The following IQSEC3 variants were observed in gnomAD, a reference collection of about 807,000 sequenced individuals.
IQSEC3 encodes the protein IQ motif and SEC7 domain-containing protein 3.
Under a neutral mutation model 105.4 loss-of-function variants are expected in IQSEC3, and 50 were observed. That is an observed-to-expected ratio of 0.47 (90% CI 0.38 to 0.60). The LOEUF is 0.60. Ranked by LOEUF, IQSEC3 falls within the 20% of genes least tolerant of loss-of-function variation. IQSEC3 has a pLI of 0.00. For synonymous variants in IQSEC3, 708 were observed against 746.0 expected, an observed-to-expected ratio of 0.95 and a Z score of 0.83; for missense variants, 1,415 against 1,630.0, an observed-to-expected ratio of 0.87 and a Z score of 2.27.
chr12:157,205 G>T, intron 6 of IQSEC3, 58 bp downstream of exon 6: 1 of 1,468,098 alleles, frequency 6.8e-7, no homozygotes, highest in East Asian at 2.5e-5. Flanking sequence ...AAGCCGGGCC[G>T]CTGTGAGCCT....
chr12:123,991 T>C (rs1265055064), intron 2 of IQSEC3, among the ~76,000 whole-genome samples: 1 of 152,124 alleles, frequency 6.6e-6, no homozygotes, highest in Non-Finnish European at 1.5e-5. Flanking sequence ...CAACAAGTGT[T>C]GACTAAGCAC....
Position 174,740 on chromosome 12 carries a change from C to T in IQSEC3, c.3256C>T (p.Pro1086Ser). 1.3e-6 allele frequency: 2 copies of T among 1,592,312 alleles called. No individual in the cohort carries two copies. The highest frequency in any genetic ancestry group is 1.7e-6 in the Non-Finnish European group (2 of 1,177,658). Residue 1086 changes from proline to serine, a missense_variant, in exon 14 of 14, where the codon CCC (proline) becomes TCC (serine). Coordinates refer to ENST00000538872, the MANE Select transcript of IQSEC3 (RefSeq NM_001170738.2). ...ACCACTGCCGCCGCCGCCACCCACG[C>T]CCCCGGGCACCCTGGTGCAGTGCCA... is the stretch of plus-strand genomic sequence containing the variant. ...TPPLPPPPPTPPGTLVQCQQI... is the reference protein window; with the variant it reads ...TPPLPPPPPTSPGTLVQCQQI...
In IQSEC3 at chr12:165,866, G is replaced by A. The variant is rs1867148922; in HGVS notation, c.2947G>A (p.Glu983Lys). ...DLKESIAEVT[E>K]LEQIRIEWEL... The stretch of plus-strand genomic sequence containing the variant: ...GAAGGAGTCCATTGCTGAGGTGACG[G>A]AGCTGGAGCAGATCCGAATAGAGTG... The change falls in exon 11 of 14, where the codon GAG becomes AAG. Residue 983 changes from glutamate (E) to lysine (K), a missense_variant. Glu to Lys is a moderately conservative substitution (Grantham distance 56). Transcript: ENST00000538872. The A allele has an allele frequency of 6.2e-7, 1 of 1,613,958 alleles. No individual in the cohort carries two copies. Among genetic ancestry groups the A allele is most frequent in the South Asian group, 1.1e-5 (1 of 91,086 alleles).
rs145498592 is a variant in IQSEC3 at position 85,950 on chromosome 12, G to A, written c.555-13196G>A. On this transcript the variant is annotated intron_variant, in intron 1 of 13. Transcript: ENST00000538872. ...TTTCTCTCCAGCACCCTTAGGAATC[G>A]GGATTTATTCACACATTCAGTCAAC... 4.6e-5 allele frequency among the ~76,000 whole-genome samples: 7 copies of A among 152,210 alleles called. No homozygotes were observed. In the South Asian group the frequency reaches 6.2e-4, roughly 14 times the overall value.
intron 2 of IQSEC3, among the ~76,000 whole-genome samples, chr12:117,359 G>A (rs1865080543): frequency 6.6e-6 from 1 of 152,256 alleles, no homozygotes; most frequent in African/African-American, 2.4e-5. Flanking sequence ...AGCCATGCCT[G>A]TTTATGACAA....
At chr12:78,121 C>T (rs1457974344) in intron 1 of IQSEC3, among the ~76,000 whole-genome samples, 7 of 150,956 alleles carry the variant, frequency 4.6e-5, no homozygotes, top group African/African-American at 1.7e-4. Context: ...GCGCCCCCGC[C>T]TCCCCGCGCC....
At chr12:157,780 C>A in intron 7 of IQSEC3, 86 bp downstream of exon 7, 1 of 1,418,862 alleles carries the variant, frequency 7.0e-7, no homozygotes, top group East Asian at 2.4e-5. Flanking sequence ...AGTCTGAGCC[C>A]CTATCACAGA....
rs797041510 is a variant in IQSEC3, at chr12:138,142, GCC to G, written c.904-119_904-118del. ...GTTCAGACTTTAGCTGCCCAGGAGC[GCC>G]CCCCCGCCCCCGTCCATTCCTGGGC... On this transcript the variant is annotated intron_variant, in intron 3 of 13. Coordinates refer to ENST00000538872, the MANE Select transcript of IQSEC3 (RefSeq NM_001170738.2). The surrounding 1 kb of genome is among the most constrained non-coding windows in gnomAD (Gnocchi z 7.1). The G allele has an allele frequency of 3.7e-6, 3 of 812,406 alleles. No individual in the cohort carries two copies. The East Asian group carries it at 8.0e-5, about 22-fold the overall frequency. The allele number at this position is 812,406 out of a possible 1,614,324, so 50.3% of individuals were successfully genotyped here. A position where few individuals can be genotyped will look rare whatever the true frequency, so the allele number is the denominator to read the frequency against.
intron 7 of IQSEC3, among the ~76,000 whole-genome samples, chr12:158,989 C>T (rs12423787): frequency 0.11 from 16,542 of 152,190 alleles, 1,893 homozygotes; most frequent in African/African-American, 0.29. Context: ...TAAGCATGAT[C>T]TATTAATTCC....
At position 131,602 on chromosome 12, in the gene IQSEC3, G is replaced by C. The variant is rs533857924; in HGVS notation, c.903+5690G>C. ...CAAGAGAGAATTCAGTTTAGTTCATGTCTGCAAACACTTATTCAGCCTCAG... is the reference window on the plus strand; with the variant it reads ...CAAGAGAGAATTCAGTTTAGTTCATCTCTGCAAACACTTATTCAGCCTCAG... On this transcript the variant is annotated intron_variant, in intron 3 of 13. Transcript: ENST00000538872. 1.4e-4 allele frequency among the ~76,000 whole-genome samples: 22 copies of C among 152,336 alleles called. No individual in the cohort carries two copies. In the South Asian group the frequency reaches 3.7e-3, roughly 26 times the overall value.
chr12:147,784 CCT>C (rs1866338803), intron 5 of IQSEC3: 1 of 152,172 alleles, frequency 6.6e-6, no homozygotes, highest in Non-Finnish European at 1.5e-5. Flanking sequence ...ATGCCCCGAT[CCT>C]CTCAATTTGG....
rs376138074 is a variant in IQSEC3 at position 165,909 on chromosome 12, G to A, written c.2971+19G>A. The A allele has an allele frequency of 2.1e-4, 343 of 1,607,100 alleles. 1 individual carries two copies. The highest frequency in any genetic ancestry group is 3.2e-4 in the Admixed American group (19 of 59,786). On this transcript the variant is annotated intron_variant, in intron 11 of 13. Transcript: ENST00000538872. The stretch of plus-strand genomic sequence containing the variant: ...ATAGAGTGTAAGGACACGGGCTCCC[G>A]AGGCAGCTGGTGGGGGTTCCCATTC...
chr12:98,832 G>T (rs1251385330), intron 1 of IQSEC3, among the ~76,000 whole-genome samples: 1 of 152,234 alleles, frequency 6.6e-6, no homozygotes, highest in Non-Finnish European at 1.5e-5. Context: ...TTTGGTACAT[G>T]CACGCGAAAG....
chr12:81,893 A>C (rs1293776940), intron 1 of IQSEC3, among the ~76,000 whole-genome samples: 2 of 152,166 alleles, frequency 1.3e-5, no homozygotes, highest in African/African-American at 4.8e-5. Flanking sequence ...TCTGGCAAAG[A>C]GCGTTTCAAA....
chr12:141,059 G>A, intron 4 of IQSEC3, 65 bp from the exon 5 acceptor site: 1 of 1,487,358 alleles, frequency 6.7e-7, no homozygotes, highest in Non-Finnish European at 9.2e-7. Context: ...GTGGAAGACA[G>A]GGAGGAAAGA....
At chr12:75,962 C>T (rs1863503821) in intron 1 of IQSEC3, among the ~76,000 whole-genome samples, 1 of 152,236 alleles carries the variant, frequency 6.6e-6, no homozygotes, top group South Asian at 2.1e-4. Context: ...CGGCAATAAA[C>T]AGAACCGACC....
chr12:111,042 G>A (rs782426713), intron 2 of IQSEC3, among the ~76,000 whole-genome samples: 2 of 152,116 alleles, frequency 1.3e-5, no homozygotes, highest in African/African-American at 2.4e-5. Flanking sequence ...CCCCCCGATC[G>A]CCCTGTTCTG....
intron 5 of IQSEC3, chr12:141,749 G>A (rs1866038143): frequency 1.9e-5 from 3 of 161,224 alleles, no homozygotes; most frequent in Non-Finnish European, 2.7e-5. Flanking sequence ...TTAAACTGAG[G>A]GTTTTAGAGC....
In IQSEC3 at chr12:87,963, T is replaced by C. The variant is rs78360463; in HGVS notation, c.555-11183T>C. On this transcript the variant is annotated intron_variant, in intron 1 of 13. Transcript: ENST00000538872. ...TTAGGTAGGATTCCTCAGGAAGGAT[T>C]CCCGCAGGCTTCACCGAAAGGAGGA... Among the ~76,000 whole-genome samples the C allele has an allele frequency of 6.1e-3, 927 of 152,258 alleles. 8 individuals are homozygous for C. Among genetic ancestry groups the C allele is most frequent in the Non-Finnish European group, 7.4e-3 (501 of 68,014 alleles).
Sources: allele counts gnomAD v4.1 joint callset (sites outside exome capture counted in the v4.1 genomes callset), GRCh38; gene constraint gnomAD v4.1.1; non-coding constraint Gnocchi (gnomAD v3.1); transcripts MANE v1.5; gene names NCBI Gene and HGNC (gene_info 2026-07-23, HGNC 2026-07-21).